Variants in AGAP1 observed in about 807,000 individuals in gnomAD.
The protein encoded by AGAP1 is arf-GAP with GTPase, ANK repeat and PH domain-containing protein 1.
Under a neutral mutation model 105.3 loss-of-function variants are expected in AGAP1, and 29 were observed. The observed-to-expected ratio is 0.28, with a 90% CI of 0.21 to 0.38. AGAP1 has a LOEUF of 0.38. AGAP1 is among the 10% of genes least tolerant of loss of function. AGAP1 has a pLI of 1.00. For missense variants in AGAP1, 998 were observed against 1,165.1 expected (o/e 0.86, Z 2.09); for synonymous variants, 509 against 485.9 (o/e 1.05, Z -0.63).
intron 12 of AGAP1, among the ~76,000 whole-genome samples, chr2:235,952,682 A>G (rs1369267395): frequency 3.3e-5 from 5 of 152,066 alleles, no homozygotes; most frequent in African/African-American, 7.2e-5. Flanking sequence ...CCTCCCCCTG[A>G]GTGGCCCTGG....
Position 235,550,131 on chromosome 2 carries a change from G to T in AGAP1, c.163+55282G>T, listed in dbSNP as rs754413348. ...ACATCTGGAGTAGACCCTGAGTGGG[G>T]CAGAACCATCATCCTGCGTGCAGCC... On this transcript the variant is annotated intron_variant, in intron 1 of 17. Transcript: ENST00000304032. The surrounding 1 kb of genome is among the most constrained non-coding windows in gnomAD (Gnocchi z 4.6). Among the ~76,000 whole-genome samples, 1 of 152,200 alleles carries T rather than the reference G, an allele frequency of 6.6e-6. No individual in the cohort carries two copies. The highest frequency in any genetic ancestry group is 6.5e-5 in the Admixed American group (1 of 15,282).
At chr2:235,755,123 G>A (rs757486240) in intron 6 of AGAP1, among the ~76,000 whole-genome samples, 29 of 152,288 alleles carry the variant, frequency 1.9e-4, no homozygotes, top group African/African-American at 7.0e-4. Flanking sequence ...CTGGATGTGC[G>A]GACTTGGCAG....
At chr2:235,643,647 A>T (rs1947277706) in intron 1 of AGAP1, among the ~76,000 whole-genome samples, 1 of 151,372 alleles carries the variant, frequency 6.6e-6, no homozygotes, top group African/African-American at 2.4e-5. Flanking sequence ...CTCCCCTGGA[A>T]AAGTCATTAG....
chr2:235,972,106 A>G (rs2054673772), intron 13 of AGAP1, among the ~76,000 whole-genome samples: 1 of 152,178 alleles, frequency 6.6e-6, no homozygotes, highest in Non-Finnish European at 1.5e-5. Flanking sequence ...ATACTATTCT[A>G]TTATAAAAAA....
At chr2:235,669,999 C>T (rs906356795) in intron 1 of AGAP1, 2 of 293,668 alleles carry the variant, frequency 6.8e-6, no homozygotes, top group African/African-American at 2.2e-5. Context: ...CAGCGGGGGG[C>T]GTGGGCCACA....
intron 16 of AGAP1, among the ~76,000 whole-genome samples, chr2:236,054,526 T>TA (rs1286784940): frequency 8.5e-6 from 1 of 117,088 alleles, no homozygotes; most frequent in Admixed American, 8.3e-5. Flanking sequence ...AGAAAAAAAA[T>TA]AAAAAAAGGA....
intron 1 of AGAP1, among the ~76,000 whole-genome samples, chr2:235,648,708 CA>C (rs200700617): frequency 0.062 from 7,699 of 125,182 alleles, 68 homozygotes; most frequent in Non-Finnish European, 0.08. Flanking sequence ...CCCATCTCTA[CA>C]AAAAAAAAAA....
chr2:236,080,369 C>T lies in AGAP1; in HGVS notation c.2114+31088C>T, dbSNP rs752802117. Reference sequence around the variant, plus strand: ...TGAGTCCAGAAACCTCCATCTCAGTCTAGGAGGGACAGCTAGGAGGAAATA... The same window carrying T: ...TGAGTCCAGAAACCTCCATCTCAGTTTAGGAGGGACAGCTAGGAGGAAATA... On this transcript the variant is annotated intron_variant, in intron 16 of 17. Coordinates refer to ENST00000304032, the MANE Select transcript of AGAP1 (RefSeq NM_001037131.3). This position sits in a 1 kb window ranked among gnomAD's most constrained non-coding sequence, Gnocchi z 4.2. 6.6e-6 allele frequency among the ~76,000 whole-genome samples: 1 copy of T among 152,198 alleles called. No homozygotes were observed. Among genetic ancestry groups the T allele is most frequent in the African/African-American group, 2.4e-5 (1 of 41,442 alleles).
rs1411373304 is a variant in AGAP1 at position 236,105,432 on chromosome 2, T to G, written c.2115-14760T>G. 6.6e-6 allele frequency among the ~76,000 whole-genome samples: 1 copy of G among 151,876 alleles called. No individual in the cohort carries two copies. Among genetic ancestry groups the G allele is most frequent in the East Asian group, 1.9e-4 (1 of 5,168 alleles). On this transcript the variant is annotated intron_variant, in intron 16 of 17. Coordinates refer to ENST00000304032, the MANE Select transcript of AGAP1 (RefSeq NM_001037131.3). This position sits in a 1 kb window ranked among gnomAD's most constrained non-coding sequence, Gnocchi z 4.2. ...CCTCACACTTCTGAGGAATGGGAAGTCCAAGGTCAAGGTGTTGGCTGATTC... is the reference window on the plus strand; with the variant it reads ...CCTCACACTTCTGAGGAATGGGAAGGCCAAGGTCAAGGTGTTGGCTGATTC...
At chr2:235,808,819 G>C (rs1957978666) in intron 9 of AGAP1, among the ~76,000 whole-genome samples, 1 of 152,094 alleles carries the variant, frequency 6.6e-6, no homozygotes, top group Non-Finnish European at 1.5e-5. Flanking sequence ...AACAACAACA[G>C]AACTTTCCAC....
In AGAP1 at chr2:235,905,080, G is replaced by T. The variant is rs1007992813; in HGVS notation, c.1156-3658G>T. On this transcript the variant is annotated intron_variant, in intron 10 of 17. Transcript: ENST00000304032. The surrounding 1 kb of genome is among the most constrained non-coding windows in gnomAD (Gnocchi z 4.2). ...CTAAAGATAAATGGGTTCCCTTGCC[G>T]CTTTCGAATCTGGAGAGCAGACACT... 2.6e-5 allele frequency among the ~76,000 whole-genome samples: 4 copies of T among 151,994 alleles called. No individual in the cohort carries two copies. The highest frequency in any genetic ancestry group is 5.9e-5 in the Non-Finnish European group (4 of 67,974).
chr2:235,785,814 A>G (rs968894046), intron 6 of AGAP1, among the ~76,000 whole-genome samples: 2 of 152,192 alleles, frequency 1.3e-5, no homozygotes, highest in Admixed American at 6.5e-5. Context: ...TTCCTTTGAT[A>G]CCACCATGTT....
At chr2:235,829,663 ACT>A (rs1338944811) in intron 9 of AGAP1, among the ~76,000 whole-genome samples, 1 of 152,000 alleles carries the variant, frequency 6.6e-6, no homozygotes, top group Admixed American at 6.6e-5. Flanking sequence ...AATTTTTTGG[ACT>A]CTCTGTATTT....
intron 16 of AGAP1, among the ~76,000 whole-genome samples, chr2:236,070,780 G>A (rs1271980036): frequency 5.3e-5 from 8 of 152,144 alleles, no homozygotes; most frequent in African/African-American, 7.2e-5. Context: ...GGGCAGGGGC[G>A]GGGAGGCATC....
chr2:236,118,390 T>TTC, intron 16 of AGAP1, among the ~76,000 whole-genome samples: 1 of 147,678 alleles, frequency 6.8e-6, no homozygotes, highest in South Asian at 2.2e-4. Context: ...TCTTTTTCTT[T>TTC]TTTTTTTTTT....
At chr2:236,007,904 C>T (rs948103643) in intron 13 of AGAP1, among the ~76,000 whole-genome samples, 3 of 152,226 alleles carry the variant, frequency 2.0e-5, no homozygotes, top group African/African-American at 4.8e-5. Flanking sequence ...GGCTGCTCCC[C>T]GGCACCAGTG....
At chr2:235,539,042 C>G (rs1220071647) in intron 1 of AGAP1, among the ~76,000 whole-genome samples, 1 of 152,186 alleles carries the variant, frequency 6.6e-6, no homozygotes. Context: ...GTGGCAGCTA[C>G]ATTGCTAATT....
At chr2:236,117,022 G>A (rs775081143) in intron 16 of AGAP1, among the ~76,000 whole-genome samples, 4 of 152,152 alleles carry the variant, frequency 2.6e-5, no homozygotes, top group Non-Finnish European at 5.9e-5. Context: ...CATTGGGGTA[G>A]GTTCCACAAT....
intron 1 of AGAP1, among the ~76,000 whole-genome samples, chr2:235,510,287 G>A (rs1942017602): frequency 6.6e-6 from 1 of 152,212 alleles, no homozygotes; most frequent in Admixed American, 6.5e-5. Flanking sequence ...GAAGGTTAGG[G>A]ACCACTGCAG....
Sources: gnomAD v4.1 joint callset for allele counts (sites outside exome capture counted in the v4.1 genomes callset) on GRCh38, gnomAD v4.1.1 for gene constraint, Gnocchi (gnomAD v3.1) non-coding constraint, MANE v1.5 for transcripts, NCBI Gene and HGNC (gene_info 2026-07-23, HGNC 2026-07-21) for gene names.